Variants in BFSP1 observed in about 807,000 individuals in gnomAD.
The protein encoded by BFSP1 is beaded filament structural protein 1.
Under a neutral mutation model 43.9 loss-of-function variants are expected in BFSP1, and 38 were observed. The ratio of observed to expected loss-of-function variants is 0.87; its 90% CI spans 0.67 to 1.14. BFSP1 has a LOEUF of 1.14. Among genes scored for constraint, BFSP1 ranks in the 50% most tolerant of loss-of-function variants. The probability of loss-of-function intolerance (pLI) is 0.00; values close to 1 mark genes in which losing one functional copy is unlikely to be tolerated. For synonymous variants in BFSP1, 352 were observed against 354.8 expected, an observed-to-expected ratio of 0.99 and a Z score of 0.09; for missense variants, 850 against 875.1, an observed-to-expected ratio of 0.97 and a Z score of 0.36.
intron 1 of BFSP1, among the ~76,000 whole-genome samples, chr20:17,554,642 G>T (rs1471521652): frequency 6.6e-6 from 1 of 152,194 alleles, no homozygotes; most frequent in East Asian, 1.9e-4. Context: ...AACAGAAAGA[G>T]CAGAACAGAT....
upstream of BFSP1, chr20:17,560,812 A>G (rs1384907099): frequency 6.6e-6 from 1 of 152,148 alleles, no homozygotes; most frequent in Non-Finnish European, 1.5e-5. Context: ...CGAGCTGGGG[A>G]AAAATGAGTC....
intron 1 of BFSP1, among the ~76,000 whole-genome samples, chr20:17,557,680 T>G (rs1048703419): frequency 1.3e-5 from 2 of 152,220 alleles, no homozygotes; most frequent in Non-Finnish European, 2.9e-5. Flanking sequence ...AAGCATAGAA[T>G]TGTAGCCTGA....
Position 17,513,271 on chromosome 20 carries a change from G to C in BFSP1, c.535-1203C>G, listed in dbSNP as rs564607188. Among the ~76,000 whole-genome samples the C allele has an allele frequency of 4.6e-5, 7 of 152,168 alleles. No individual in the cohort carries two copies. The South Asian group carries it at 1.2e-3, about 27-fold the overall frequency. ...CAGAGCCCTCCACTAAGACATCAGT[G>C]ACAAAAAATCACTACCTAGAGCTCT... On this transcript the variant is annotated intron_variant, in intron 3 of 7. Transcript: ENST00000377873.
At chr20:17,537,431 T>C (rs1240431800) in intron 1 of BFSP1, among the ~76,000 whole-genome samples, 3 of 152,078 alleles carry the variant, frequency 2.0e-5, no homozygotes, top group Admixed American at 6.6e-5. Flanking sequence ...AGCAAGGCTC[T>C]CTCTCCAACT....
upstream of BFSP1, among the ~76,000 whole-genome samples, chr20:17,535,479 C>T (rs545771744): frequency 2.0e-5 from 3 of 152,052 alleles, no homozygotes; most frequent in East Asian, 1.9e-4. Flanking sequence ...TGCAGTGAGT[C>T]GAGATAATGC....
chr20:17,567,517 C>T (rs191744144), intron 1 of BFSP1, among the ~76,000 whole-genome samples: 2 of 152,064 alleles, frequency 1.3e-5, no homozygotes, highest in African/African-American at 4.8e-5. Flanking sequence ...CCCTCAACCC[C>T]GGAATCTGCA....
intron 4 of BFSP1, 56 bp from the exon 5 acceptor site, chr20:17,509,052 G>A: frequency 7.4e-7 from 1 of 1,345,180 alleles, no homozygotes; most frequent in Non-Finnish European, 9.9e-7. Flanking sequence ...GAAAAGGGCA[G>A]AGAAGGTGCG....
intron 1 of BFSP1, among the ~76,000 whole-genome samples, chr20:17,564,036 C>A (rs1191019272): frequency 1.3e-5 from 2 of 151,840 alleles, no homozygotes; most frequent in Non-Finnish European, 2.9e-5. Context: ...AACAAAGCAA[C>A]AGTATAGAAA....
chr20:17,494,806 CA>C lies in BFSP1; in HGVS notation c.1265del (p.Leu422ArgfsTer16). On this transcript the variant is annotated frameshift_variant, in exon 8 of 8. Transcript: ENST00000377873. LOFTEE classifies it low-confidence loss of function (END_TRUNC). Reference sequence around the variant, plus strand: ...CATCCTCTGGAGCCCCTTCTTGTGTCAGGGGACTTACTTCTTTACTTTCTGA... The same window carrying C: ...CATCCTCTGGAGCCCCTTCTTGTGTCGGGGACTTACTTCTTTACTTTCTGA... ...FESESKEVSP[L>X]TQEGAPEDVP... 1 of 1,614,216 alleles carries C rather than the reference CA, an allele frequency of 6.2e-7. No individual in the cohort carries two copies. Among genetic ancestry groups the C allele is most frequent in the Non-Finnish European group, 8.5e-7 (1 of 1,180,038 alleles).
intron 4 of BFSP1, among the ~76,000 whole-genome samples, chr20:17,510,166 A>C (rs1473957047): frequency 1.3e-5 from 2 of 152,210 alleles, no homozygotes; most frequent in Non-Finnish European, 2.9e-5. Flanking sequence ...GTCCCTGCGG[A>C]TCTGGCTAAG....
At chr20:17,548,407 C>T (rs1041471851) in intron 1 of BFSP1, among the ~76,000 whole-genome samples, 1 of 152,194 alleles carries the variant, frequency 6.6e-6, no homozygotes, top group South Asian at 2.1e-4. Flanking sequence ...CTCTCTTAAA[C>T]TGGCTTTGCT....
chr20:17,530,341 A>C (rs1289261584), intron 1 of BFSP1, among the ~76,000 whole-genome samples: 1 of 152,252 alleles, frequency 6.6e-6, no homozygotes, highest in East Asian at 1.9e-4. Context: ...CCAAATCCCT[A>C]CATTTTCTGA....
intron 3 of BFSP1, 115 bp downstream of exon 3, chr20:17,514,606 A>G (rs1600651311): frequency 4.8e-6 from 5 of 1,036,602 alleles, no homozygotes; most frequent in South Asian, 3.9e-5. Flanking sequence ...TTCGAGGGAA[A>G]ACGCACAAAG....
chr20:17,530,891 A>G, intron 1 of BFSP1, 62 bp downstream of exon 1: 1 of 1,321,590 alleles, frequency 7.6e-7, no homozygotes, highest in South Asian at 1.9e-5. Flanking sequence ...GCGTGCTCCC[A>G]GCCCCGCGCC....
intron 1 of BFSP1, among the ~76,000 whole-genome samples, chr20:17,551,326 G>C (rs1176602049): frequency 6.6e-6 from 1 of 152,128 alleles, no homozygotes; most frequent in Non-Finnish European, 1.5e-5. Flanking sequence ...AAGGCAGAGA[G>C]GTGCCACACA....
intron 1 of BFSP1, among the ~76,000 whole-genome samples, chr20:17,568,916 G>C (rs565384083): frequency 1.3e-5 from 2 of 152,246 alleles, no homozygotes; most frequent in East Asian, 3.9e-4. Flanking sequence ...AAAATTCTTT[G>C]TTCCCTTTAT....
intron 5 of BFSP1, among the ~76,000 whole-genome samples, chr20:17,499,511 T>C (rs1405121189): frequency 1.3e-5 from 2 of 149,908 alleles, no homozygotes; most frequent in South Asian, 2.1e-4. Context: ...CCTCCCAAAG[T>C]GCTGGAATTA....
chr20:17,497,550 A>G (rs1008586900), intron 6 of BFSP1, among the ~76,000 whole-genome samples: 19 of 54,394 alleles, frequency 3.5e-4, no homozygotes, highest in Non-Finnish European at 5.7e-4. Context: ...ATGTGTGTAT[A>G]TATGTATATG....
chr20:17,513,825 C>T (rs2034140989), intron 3 of BFSP1, among the ~76,000 whole-genome samples: 2 of 152,230 alleles, frequency 1.3e-5, no homozygotes, highest in Non-Finnish European at 2.9e-5. Context: ...ACCAATGGAT[C>T]ACCACTGTGG....
Sources: allele counts gnomAD v4.1 joint callset (sites outside exome capture counted in the v4.1 genomes callset), GRCh38; gene constraint gnomAD v4.1.1; transcripts MANE v1.5; gene names NCBI Gene and HGNC (gene_info 2026-07-23, HGNC 2026-07-21).